The following DGKB variants were observed in gnomAD, a reference collection of about 807,000 sequenced individuals.
DGKB encodes diacylglycerol kinase beta.
DGKB carries 67 observed loss-of-function variants against 114.3 expected under a neutral mutation model. The observed-to-expected ratio is 0.59, with a 90% confidence interval of 0.48 to 0.72. The LOEUF (loss-of-function observed/expected upper bound fraction) is 0.72. DGKB is among the 30% of genes least tolerant of loss of function. The pLI, the probability that DGKB is intolerant of heterozygous loss-of-function variation, is 0.00. For missense variants in DGKB, 907 were observed against 975.2 expected (o/e 0.93, Z 0.93); for synonymous variants, 398 against 323.1 (o/e 1.23, Z -2.49).
chr7:14,728,870 T>A (rs1417696725), intron 5 of DGKB, among the ~76,000 whole-genome samples: 1 of 151,586 alleles, frequency 6.6e-6, no homozygotes, highest in East Asian at 2.0e-4. Flanking sequence ...GCCCAGCTGA[T>A]TTTTGTATTT....
intron 21 of DGKB, among the ~76,000 whole-genome samples, chr7:14,418,834 G>A (rs151112293): frequency 6.3e-4 from 96 of 152,042 alleles, no homozygotes; most frequent in African/African-American, 2.3e-3. Flanking sequence ...TTTAAAAATA[G>A]ATGTGACAAA....
chr7:14,333,016 C>T (rs901878684), intron 23 of DGKB, among the ~76,000 whole-genome samples: 1 of 152,130 alleles, frequency 6.6e-6, no homozygotes, highest in Admixed American at 6.5e-5. Context: ...ATTACTTTCG[C>T]TCAGTGGTTA....
chr7:14,204,832 T>C (rs1786493604), intron 23 of DGKB, among the ~76,000 whole-genome samples: 1 of 152,010 alleles, frequency 6.6e-6, no homozygotes, highest in Non-Finnish European at 1.5e-5. Flanking sequence ...GAAAAAGAAA[T>C]GTATTACTAT....
At chr7:14,455,073 T>A (rs1832078791) in intron 21 of DGKB, among the ~76,000 whole-genome samples, 1 of 152,066 alleles carries the variant, frequency 6.6e-6, no homozygotes, top group African/African-American at 2.4e-5. Context: ...AATATCACGT[T>A]TGAACTTCCC....
chr7:14,200,100 A>T (rs1407442287), intron 23 of DGKB, among the ~76,000 whole-genome samples: 3 of 152,054 alleles, frequency 2.0e-5, no homozygotes, highest in African/African-American at 4.8e-5. Context: ...TCTGGTTAAT[A>T]AATTGAGCAC....
chr7:14,630,352 G>T, intron 13 of DGKB, 84 bp from the exon 14 acceptor site: 1 of 924,558 alleles, frequency 1.1e-6, no homozygotes, highest in Non-Finnish European at 1.6e-6. Flanking sequence ...ATCATTACAT[G>T]CCTGTGAAAT....
intron 4 of DGKB, chr7:14,750,332 A>T: frequency 2.5e-6 from 1 of 407,090 alleles, no homozygotes; most frequent in East Asian, 7.1e-5. Context: ...TTTGAGAAAA[A>T]AAAGATATAC....
At chr7:14,360,448 G>GTATATA (rs112459240) in intron 21 of DGKB, among the ~76,000 whole-genome samples, 35 of 147,034 alleles carry the variant, frequency 2.4e-4, no homozygotes, top group South Asian at 2.1e-3. Flanking sequence ...AGAACTTAAA[G>GTATATA]TATATATATA....
At chr7:14,301,827 G>C (rs187843593) in intron 23 of DGKB, among the ~76,000 whole-genome samples, 1 of 152,230 alleles carries the variant, frequency 6.6e-6, no homozygotes, top group African/African-American at 2.4e-5. Flanking sequence ...ACTCATTTCA[G>C]GAGGGTTGGT....
chr7:14,297,936 G>A (rs1802867401), intron 23 of DGKB, among the ~76,000 whole-genome samples: 6 of 152,142 alleles, frequency 3.9e-5, no homozygotes, highest in Non-Finnish European at 2.9e-5. Context: ...GCCAAATCAT[G>A]AGTTAACTCC....
intron 23 of DGKB, among the ~76,000 whole-genome samples, chr7:14,294,069 A>C (rs1802158992): frequency 6.6e-6 from 1 of 152,172 alleles, no homozygotes; most frequent in African/African-American, 2.4e-5. Flanking sequence ...GGAATAATCC[A>C]TTCCTTTGCC....
At chr7:14,841,046 T>C in intron 2 of DGKB, 148 bp downstream of exon 2, 1 of 608,166 alleles carries the variant, frequency 1.6e-6, no homozygotes. Context: ...AAAAAGGTAG[T>C]CTCAAGTCAA....
At chr7:14,479,632 C>T (rs747722439) in intron 20 of DGKB, among the ~76,000 whole-genome samples, 18 of 152,056 alleles carry the variant, frequency 1.2e-4, no homozygotes, top group East Asian at 5.8e-4. Context: ...ATTCGTCCAA[C>T]GATAACTCTC....
chr7:14,759,626 T>C (rs1320253879), intron 2 of DGKB, among the ~76,000 whole-genome samples: 1 of 152,240 alleles, frequency 6.6e-6, no homozygotes, highest in Non-Finnish European at 1.5e-5. Flanking sequence ...TCCATTATAA[T>C]GAATATACTC....
intron 20 of DGKB, among the ~76,000 whole-genome samples, chr7:14,544,987 T>C (rs1794054428): frequency 6.8e-6 from 1 of 147,470 alleles, no homozygotes; most frequent in East Asian, 2.0e-4. Flanking sequence ...TGCCAAAATG[T>C]TTTTTTTTTT....
At chr7:14,717,207 C>T (rs949462115) in intron 6 of DGKB, among the ~76,000 whole-genome samples, 6 of 152,058 alleles carry the variant, frequency 3.9e-5, no homozygotes, top group African/African-American at 1.4e-4. Context: ...CAATATACAT[C>T]CAGCTGACCT....
intron 23 of DGKB, among the ~76,000 whole-genome samples, chr7:14,252,352 G>A (rs1795365671): frequency 6.6e-6 from 1 of 152,074 alleles, no homozygotes; most frequent in South Asian, 2.1e-4. Flanking sequence ...GCTTTACTTT[G>A]ATACTTTGAT....
In DGKB at chr7:14,899,036, T is replaced by C. The variant is rs1455583881; in HGVS notation, c.-188+3556A>G. On this transcript the variant is annotated intron_variant, in intron 1 of 25. Coordinates refer to ENST00000402815, the MANE Select transcript of DGKB (RefSeq NM_001350709.2). ...ATGCTGAGAAAGACCAATCTTAAAA[T>C]ATTGTTTGGCTCTACGCCCATAACA... Among the ~76,000 whole-genome samples the C allele has an allele frequency of 3.3e-5, 5 of 152,164 alleles. No homozygotes were observed. The South Asian group carries it at 8.3e-4, about 25-fold the overall frequency.
intron 2 of DGKB, among the ~76,000 whole-genome samples, chr7:14,827,798 T>C (rs956674696): frequency 1.3e-5 from 2 of 152,110 alleles, no homozygotes; most frequent in Admixed American, 1.3e-4. Flanking sequence ...GATGCATAAG[T>C]AGCATAGCTT....
Sources: gnomAD v4.1 joint callset for allele counts (sites outside exome capture counted in the v4.1 genomes callset) on GRCh38, gnomAD v4.1.1 for gene constraint, MANE v1.5 for transcripts, NCBI Gene and HGNC (gene_info 2026-07-23, HGNC 2026-07-21) for gene names.